The following GPD1 variants were observed in gnomAD, a reference collection of about 807,000 sequenced individuals.
The protein encoded by GPD1 is glycerol-3-phosphate dehydrogenase 1.
Under a neutral mutation model 34.4 loss-of-function variants are expected in GPD1, and 19 were observed. The ratio of observed to expected loss-of-function variants is 0.55; its 90% CI spans 0.39 to 0.81. The LOEUF (loss-of-function observed/expected upper bound fraction) is 0.81, where lower values mean the gene tolerates loss of function less well. Among genes scored for constraint, GPD1 ranks in the 30% least tolerant of loss-of-function variants. The pLI is 0.00. For missense variants in GPD1, 429 were observed against 447.0 expected (o/e 0.96, Z 0.36); for synonymous variants, 172 against 174.1 (o/e 0.99, Z 0.09).
Position 50,109,512 on chromosome 12 carries a change from A to G in GPD1, c.1043A>G (p.His348Arg), listed in dbSNP as rs763588243. 2 of 1,527,622 alleles carry G rather than the reference A, an allele frequency of 1.3e-6. No homozygotes were observed. Among genetic ancestry groups the G allele is most frequent in the South Asian group, 1.1e-5 (1 of 89,542 alleles). The allele number at this position is 1,527,622 out of a possible 1,614,324, so 94.6% of individuals were successfully genotyped here. A position where few individuals can be genotyped will look rare whatever the true frequency, so the allele number is the denominator to read the frequency against. ...FIHCLQNHPE[H>R]M is the part of the protein sequence containing the mutation. ...CACTGCCTGCAGAATCATCCAGAAC[A>G]TATGTGAGTGGGGCCAGGGCCCAGG... The change falls in exon 8 of 8, where the codon CAT becomes CGT. Residue 348 changes from histidine (H) to arginine (R), a missense_variant. Transcript: ENST00000301149.
At position 50,111,193 on chromosome 12, in the gene GPD1, T is replaced by A. The variant is rs1951020152; in HGVS notation, c.*1674T>A. 6.6e-6 allele frequency: 1 copy of A among 152,128 alleles called. No individual in the cohort carries two copies. Among genetic ancestry groups the A allele is most frequent in the African/African-American group, 2.4e-5 (1 of 41,396 alleles). The allele number at this position is 152,128 out of a possible 1,614,324, so 9.4% of individuals were successfully genotyped here. On this transcript the variant is annotated 3_prime_UTR_variant, in exon 8 of 8. Coordinates refer to ENST00000301149, the MANE Select transcript of GPD1 (RefSeq NM_005276.4). The surrounding 1 kb of genome is among the most constrained non-coding windows in gnomAD (Gnocchi z 4.1). ...GAGCTGCCTCCCCAGGAGGTTAAGGTGGGGGCAAAGGGGAAGCTTCAAGCA... is the reference window on the plus strand; with the variant it reads ...GAGCTGCCTCCCCAGGAGGTTAAGGAGGGGGCAAAGGGGAAGCTTCAAGCA...
At chr12:50,105,909 T>A (rs1216639793) in intron 3 of GPD1, 4 of 697,032 alleles carry the variant, frequency 5.7e-6, no homozygotes, top group Non-Finnish European at 1.0e-5. Context: ...TTGGAGGTCC[T>A]CTCGGGGAGT....
chr12:50,107,388 T>C, intron 5 of GPD1, 179 bp from the exon 6 acceptor site: 3 of 713,088 alleles, frequency 4.2e-6, no homozygotes, highest in Non-Finnish European at 7.7e-6. Context: ...GGGGCAGGGC[T>C]TAAGAAAGGG....
At chr12:50,104,352 G>C in intron 1 of GPD1, 1 of 706,574 alleles carries the variant, frequency 1.4e-6, no homozygotes. Context: ...GGGAAGATGA[G>C]AAGTGGGGCT....
chr12:50,107,697 C>T lies in GPD1; in HGVS notation c.743C>T (p.Ser248Phe). ...AAGCTCTTCTGCAGTGGCCCTGTGT[C>T]CTCTGCCACCTTCTTGGAGAGCTGT... The part of the protein sequence containing the change: ...FAKLFCSGPV[S>F]SATFLESCGV... The change falls in exon 6 of 8, where the codon TCC becomes TTC. Residue 248 changes from serine to phenylalanine, a missense_variant. Transcript: ENST00000301149. The T allele has an allele frequency of 6.2e-7, 1 of 1,614,012 alleles. No homozygotes were observed. Among genetic ancestry groups the T allele is most frequent in the Non-Finnish European group, 8.5e-7 (1 of 1,179,918 alleles).
chr12:50,107,473 T>G, intron 5 of GPD1, 94 bp from the exon 6 acceptor site: 2 of 949,334 alleles, frequency 2.1e-6, no homozygotes, highest in Non-Finnish European at 3.4e-6. Flanking sequence ...TCTTCTGCAG[T>G]GGGTGTCACG....
At chr12:50,107,447 C>T in intron 5 of GPD1, 120 bp from the exon 6 acceptor site, 1 of 844,220 alleles carries the variant, frequency 1.2e-6, no homozygotes, top group South Asian at 1.3e-5. Flanking sequence ...TTCTAAAAGG[C>T]CACACACTAT....
chr12:50,105,273 C>G, intron 2 of GPD1: 1 of 479,708 alleles, frequency 2.1e-6, no homozygotes, highest in Non-Finnish European at 3.8e-6. Context: ...TTTGGCCTCC[C>G]GCACTGTCCC....
intron 2 of GPD1, 50 bp downstream of exon 2, chr12:50,104,801 A>G: frequency 6.6e-7 from 1 of 1,522,760 alleles, no homozygotes; most frequent in Non-Finnish European, 9.1e-7. Flanking sequence ...GAGGGCCAGG[A>G]GTTGGAGCCG....
In GPD1 at chr12:50,106,307, A is replaced by T. The variant is rs111241046; in HGVS notation, c.380A>T (p.Asn127Ile). ...GCTCAGGGGGTAGACGAGGGCCCCA[A>T]TGGGCTGAAGCTCATCTCGGAAGTG... ...SLIKGVDEGP[N>I]GLKLISEVIG... Residue 127 changes from asparagine to isoleucine, a missense_variant, in exon 4 of 8, where the codon AAT (asparagine) becomes ATT (isoleucine). Coordinates refer to ENST00000301149, the MANE Select transcript of GPD1 (RefSeq NM_005276.4). The T allele has an allele frequency of 1.6e-5, 25 of 1,612,304 alleles. No homozygotes were observed. The highest frequency in any genetic ancestry group is 2.0e-5 in the Non-Finnish European group (24 of 1,179,442).
intron 2 of GPD1, 100 bp downstream of exon 2, chr12:50,104,851 C>T: frequency 2.2e-6 from 2 of 925,754 alleles, no homozygotes; most frequent in Non-Finnish European, 3.4e-6. Context: ...AGGGCCGCTT[C>T]AGGTGCAGCA....
At position 50,109,749 on chromosome 12, in the gene GPD1, C is replaced by T. The variant is rs1345914447; in HGVS notation, c.*230C>T. The stretch of plus-strand genomic sequence containing the variant: ...TTGCCAGAAATGCAGTTGCCCTGTC[C>T]CTCTCCAGATGTGGGGCTTTCTCCA... On this transcript the variant is annotated 3_prime_UTR_variant, in exon 8 of 8. Transcript: ENST00000301149. 9.5e-6 allele frequency: 5 copies of T among 526,534 alleles called. No individual in the cohort carries two copies. Among genetic ancestry groups the T allele is most frequent in the Non-Finnish European group, 1.7e-5 (5 of 289,884 alleles). 32.6% of individuals were successfully genotyped at this position (526,534 alleles called of 1,614,324 possible). A position where few individuals can be genotyped will look rare whatever the true frequency, so the allele number is the denominator to read the frequency against.
intron 3 of GPD1, 104 bp from the exon 4 acceptor site, chr12:50,106,184 G>A: frequency 9.4e-7 from 1 of 1,061,714 alleles, no homozygotes; most frequent in Non-Finnish European, 1.3e-6. Context: ...GACCTGTCGG[G>A]AGGGACACAG....
In GPD1 at chr12:50,108,078, G is replaced by A. The variant is rs569083382; in HGVS notation, c.901G>A (p.Glu301Lys). Residue 301 changes from glutamate (E) to lysine (K), a missense_variant, in exon 7 of 8, where the codon GAG becomes AAG. Glu to Lys is a moderately conservative substitution (Grantham distance 56). Transcript: ENST00000301149. ...GAATGGGCAGAAACTGCAGGGGCCC[G>A]AGACAGCCCGGGAGCTATACAGCAT... Reference protein sequence around the residue: ...LLNGQKLQGPETARELYSILQ... With the variant: ...LLNGQKLQGPKTARELYSILQ... 3.0e-5 allele frequency: 49 copies of A among 1,613,312 alleles called. No homozygotes were observed. The highest frequency in any genetic ancestry group is 1.3e-4 in the South Asian group (12 of 90,926).
At chr12:50,107,438 T>A (rs1431449276) in intron 5 of GPD1, 129 bp from the exon 6 acceptor site, 1 of 814,998 alleles carries the variant, frequency 1.2e-6, no homozygotes, top group Admixed American at 1.7e-5. Context: ...GAAGTAGGCT[T>A]CTAAAAGGCC....
intron 3 of GPD1, chr12:50,106,014 A>G (rs1191099305): frequency 1.6e-6 from 1 of 626,502 alleles, no homozygotes; most frequent in African/African-American, 1.8e-5. Context: ...CTGGTCACTG[A>G]ATGGCAGTTT....
At position 50,109,466 on chromosome 12, in the gene GPD1, C is replaced by A. The variant is rs545410105; in HGVS notation, c.997C>A (p.Gln333Lys). The change falls in exon 8 of 8, where the codon CAG becomes AAG. Residue 333 changes from glutamine (Q) to lysine (K), a missense_variant. Transcript: ENST00000301149. ...TGTGTACAAGGTGTGCTACGAGGGC[C>A]AGCCAGTGGGTGAATTCATCCACTG... ...MAVYKVCYEG[Q>K]PVGEFIHCLQ... The A allele has an allele frequency of 3.9e-5, 63 of 1,595,018 alleles. No homozygotes were observed. The South Asian group carries it at 5.8e-4, about 15-fold the overall frequency.
In GPD1 at chr12:50,109,641, T is replaced by C; in HGVS notation, c.*122T>C. ...GAGCAGAGTCTTCTCATCTTTTCAC[T>C]GGAGGACAGGAGGCTATGGGGCCCA... On this transcript the variant is annotated 3_prime_UTR_variant, in exon 8 of 8. Coordinates refer to ENST00000301149, the MANE Select transcript of GPD1 (RefSeq NM_005276.4). The C allele has an allele frequency of 3.1e-6, 2 of 640,614 alleles. No homozygotes were observed. The highest frequency in any genetic ancestry group is 5.7e-6 in the Non-Finnish European group (2 of 351,294). 39.7% of individuals were successfully genotyped at this position (640,614 alleles called of 1,614,324 possible).
intron 3 of GPD1, 102 bp downstream of exon 3, chr12:50,105,790 A>C: frequency 8.3e-7 from 1 of 1,203,816 alleles, no homozygotes; most frequent in Non-Finnish European, 1.2e-6. Context: ...GACGCAGGCC[A>C]AGAGTTTGCT....
Sources: gnomAD v4.1 joint callset for allele counts on GRCh38, gnomAD v4.1.1 for gene constraint, Gnocchi (gnomAD v3.1) non-coding constraint, MANE v1.5 for transcripts, NCBI Gene and HGNC (gene_info 2026-07-23, HGNC 2026-07-21) for gene names.